The following VPS41 variants were observed in gnomAD, a reference collection of about 807,000 sequenced individuals.
VPS41 encodes VPS41 subunit of HOPS complex.
In VPS41, 85 loss-of-function variants were observed where a neutral mutation model predicts 130.9. The observed-to-expected ratio is 0.65, with a 90% CI of 0.55 to 0.78. The LOEUF is 0.78. Among genes scored for constraint, VPS41 ranks in the 30% least tolerant of loss-of-function variants. The pLI is 0.00. For missense variants in VPS41, 874 were observed against 1,018.7 expected (o/e 0.86, Z 1.93); for synonymous variants, 335 against 332.9 (o/e 1.01, Z -0.07).
At chr7:38,780,386 C>T (rs1784335549) in intron 10 of VPS41, among the ~76,000 whole-genome samples, 1 of 151,662 alleles carries the variant, frequency 6.6e-6, no homozygotes, top group African/African-American at 2.4e-5. Context: ...AGCCTTCCTC[C>T]TCCTGATGGA....
In VPS41 at chr7:38,869,265, G is replaced by A; in HGVS notation, c.61-12C>T. ...TCGCTCTCTTCTTCCTGCACAAACG[G>A]CAAAGAAAAATGACACCCGTCAGAG... is the stretch of plus-strand genomic sequence containing the variant. On this transcript the variant is annotated splice_polypyrimidine_tract_variant and intron_variant, in intron 2 of 28. Coordinates refer to ENST00000310301, the MANE Select transcript of VPS41 (RefSeq NM_014396.4). The A allele has an allele frequency of 6.3e-7, 1 of 1,586,136 alleles. No homozygotes were observed. The highest frequency in any genetic ancestry group is 1.4e-5 in the African/African-American group (1 of 73,914).
chr7:38,864,474 A>T (rs1024676479), intron 3 of VPS41, among the ~76,000 whole-genome samples: 1 of 152,218 alleles, frequency 6.6e-6, no homozygotes, highest in South Asian at 2.1e-4. Flanking sequence ...ATGACAAGCT[A>T]TCTTGTGTTT....
At chr7:38,830,370 A>AAT in intron 4 of VPS41, 42 bp from the exon 5 acceptor site, 1 of 1,132,706 alleles carries the variant, frequency 8.8e-7, no homozygotes, top group South Asian at 1.2e-5. Context: ...ACTTCAGGAA[A>AAT]ATATATATCA....
intron 1 of VPS41, among the ~76,000 whole-genome samples, chr7:38,903,670 A>G (rs1351467515): frequency 6.6e-6 from 1 of 152,198 alleles, no homozygotes; most frequent in Non-Finnish European, 1.5e-5. Flanking sequence ...GAGTTCTGAT[A>G]TAGGCACTGT....
At chr7:38,794,773 A>C (rs1294979824) in intron 9 of VPS41, among the ~76,000 whole-genome samples, 1 of 152,134 alleles carries the variant, frequency 6.6e-6, no homozygotes, top group African/African-American at 2.4e-5. Context: ...TACTTCCACT[A>C]ATTTTTAGTT....
chr7:38,753,968 C>T (rs1198671043), intron 21 of VPS41, among the ~76,000 whole-genome samples: 2 of 152,150 alleles, frequency 1.3e-5, no homozygotes, highest in African/African-American at 4.8e-5. Flanking sequence ...GTATCTGATA[C>T]CCATAGTCCT....
chr7:38,893,293 TC>T (rs1166035183), intron 2 of VPS41, among the ~76,000 whole-genome samples: 3 of 152,138 alleles, frequency 2.0e-5, no homozygotes, highest in African/African-American at 7.2e-5. Context: ...ATTCCCTCCT[TC>T]CCAAAGACTC....
chr7:38,854,014 G>A (rs994874546), intron 4 of VPS41, among the ~76,000 whole-genome samples: 1 of 152,164 alleles, frequency 6.6e-6, no homozygotes, highest in Non-Finnish European at 1.5e-5. Flanking sequence ...ACAAACTTGA[G>A]ATTATTTTTT....
In VPS41 at chr7:38,771,313, A is replaced by G. The variant is rs540222254; in HGVS notation, c.1129-59T>C. ...AAAAAAAGCAGAAAAGGAGGGAGGG[A>G]AAATGGGAGAAGGTGGGAGAGAAAG... On this transcript the variant is annotated intron_variant, in intron 13 of 28. Transcript: ENST00000310301. 9.2e-5 allele frequency: 114 copies of G among 1,234,606 alleles called. No individual in the cohort carries two copies. The East Asian group carries it at 2.6e-3, about 29-fold the overall frequency. The allele number at this position is 1,234,606 out of a possible 1,614,324, so 76.5% of individuals were successfully genotyped here.
At position 38,736,927 on chromosome 7, in the gene VPS41, T is replaced by G. The variant is rs547982281; in HGVS notation, c.2259+5058A>C. 2.0e-5 allele frequency among the ~76,000 whole-genome samples: 3 copies of G among 152,238 alleles called. No individual in the cohort carries two copies. The East Asian group carries it at 5.8e-4, about 29-fold the overall frequency. ...TCTCAAGAAAAAGAACAGTACAGGG[T>G]GGATTTTCCCTCCCTCATCAGGTGA... On this transcript the variant is annotated intron_variant, in intron 25 of 28. Transcript: ENST00000310301.
intron 7 of VPS41, among the ~76,000 whole-genome samples, chr7:38,811,448 G>A (rs1307212592): frequency 6.6e-6 from 1 of 151,878 alleles, no homozygotes; most frequent in East Asian, 1.9e-4. Context: ...ATAAATCAAA[G>A]TTTGTATGTT....
chr7:38,907,243 G>A (rs1419721721), intron 1 of VPS41, among the ~76,000 whole-genome samples: 1 of 152,102 alleles, frequency 6.6e-6, no homozygotes, highest in East Asian at 1.9e-4. Context: ...AAATATCAGG[G>A]TTCCTCAAAA....
intron 25 of VPS41, among the ~76,000 whole-genome samples, chr7:38,740,633 A>C (rs761712889): frequency 2.0e-5 from 3 of 152,178 alleles, no homozygotes; most frequent in Non-Finnish European, 2.9e-5. Flanking sequence ...TGGCTTAACG[A>C]ATACCAATTT....
At chr7:38,754,805 T>C (rs1022808226) in intron 20 of VPS41, 53 bp from the exon 21 acceptor site, 15 of 1,589,606 alleles carry the variant, frequency 9.4e-6, no homozygotes, top group African/African-American at 2.7e-5. Flanking sequence ...GAAAGACAGC[T>C]ACAAAATTAT....
chr7:38,850,904 G>A (rs576544299), intron 4 of VPS41, among the ~76,000 whole-genome samples: 2 of 152,270 alleles, frequency 1.3e-5, no homozygotes, highest in South Asian at 2.1e-4. Context: ...CTGGTGATGC[G>A]ATATAATGAT....
At chr7:38,738,474 A>G (rs1283147990) in intron 25 of VPS41, among the ~76,000 whole-genome samples, 1 of 152,244 alleles carries the variant, frequency 6.6e-6, no homozygotes, top group African/African-American at 2.4e-5. Flanking sequence ...GAAGTCTTTA[A>G]GAACAAAGAT....
At chr7:38,809,640 C>T (rs76021122) in intron 7 of VPS41, among the ~76,000 whole-genome samples, 8,787 of 151,966 alleles carry the variant, frequency 0.058, 373 homozygotes, top group Non-Finnish European at 0.086. Flanking sequence ...TCAAATTTTC[C>T]TCATTTCATT....
intron 9 of VPS41, among the ~76,000 whole-genome samples, chr7:38,793,335 C>T (rs1784567301): frequency 6.6e-6 from 1 of 152,156 alleles, no homozygotes. Context: ...CTTTATTTTA[C>T]TGTTTCTGGT....
intron 18 of VPS41, 104 bp downstream of exon 18, chr7:38,758,250 T>C (rs2115742430): frequency 4.7e-6 from 5 of 1,054,346 alleles, no homozygotes; most frequent in East Asian, 5.1e-5. Context: ...TGTAGGAAAA[T>C]GGTATAAAAT....
Sources: gnomAD v4.1 joint callset for allele counts (sites outside exome capture counted in the v4.1 genomes callset) on GRCh38, gnomAD v4.1.1 for gene constraint, MANE v1.5 for transcripts, NCBI Gene and HGNC (gene_info 2026-07-23, HGNC 2026-07-21) for gene names.